VSTM2L: variants seen among roughly 807,000 people sequenced by gnomAD.
VSTM2L encodes the protein V-set and transmembrane domain containing 2 like, also known as V-set and transmembrane domain-containing protein 2-like protein.
In VSTM2L, 9 loss-of-function variants were observed where a neutral mutation model predicts 19.9. The ratio of observed to expected loss-of-function variants is 0.45; its 90% CI spans 0.27 to 0.79. The LOEUF (loss-of-function observed/expected upper bound fraction) is 0.79, where lower values mean the gene tolerates loss of function less well. VSTM2L is among the 30% of genes least tolerant of loss of function. The probability of loss-of-function intolerance (pLI) is 0.15; values close to 1 mark genes in which losing one functional copy is unlikely to be tolerated. For synonymous variants in VSTM2L, 127 were observed against 133.8 expected, an observed-to-expected ratio of 0.95 and a Z score of 0.35; for missense variants, 286 against 295.5, an observed-to-expected ratio of 0.97 and a Z score of 0.24.
At chr20:37,910,060 A>C (rs1179771764) in intron 1 of VSTM2L, among the ~76,000 whole-genome samples, 1 of 150,928 alleles carries the variant, frequency 6.6e-6, no homozygotes, top group Admixed American at 6.6e-5. Context: ...CCTCTTCAAA[A>C]CCCCCCAGGG....
At chr20:37,928,852 A>AT (rs2122963748) in intron 1 of VSTM2L, among the ~76,000 whole-genome samples, 2 of 152,334 alleles carry the variant, frequency 1.3e-5, no homozygotes, top group East Asian at 3.9e-4. Context: ...AAATAGGCAT[A>AT]TTAGCTGTGC....
At chr20:37,922,552 A>G (rs1454094110) in intron 1 of VSTM2L, among the ~76,000 whole-genome samples, 1 of 152,086 alleles carries the variant, frequency 6.6e-6, no homozygotes, top group Non-Finnish European at 1.5e-5. Flanking sequence ...GTTTTCCTGA[A>G]TAGAGCTGCC....
Position 37,944,177 on chromosome 20 carries a change from C to A in VSTM2L, c.539C>A (p.Ala180Glu). 1 of 1,542,812 alleles carries A rather than the reference C, an allele frequency of 6.5e-7. No homozygotes were observed. The change falls in exon 4 of 4, where the codon GCG (alanine) becomes GAG (glutamate). Residue 180 changes from alanine (A) to glutamate (E), a missense_variant. By Grantham distance (107) the Ala-to-Glu change is moderately radical. Transcript: ENST00000373461. Reference sequence around the variant, plus strand: ...CATCTGCCCGAAGCCCCTCCCGCCGCGCCCGCCCCGCCGCCCCCCAAGCCA... The same window carrying A: ...CATCTGCCCGAAGCCCCTCCCGCCGAGCCCGCCCCGCCGCCCCCCAAGCCA... ...VLHLPEAPPA[A>E]PAPPPPKPGK...
chr20:37,922,173 G>A (rs1415964096), intron 1 of VSTM2L, among the ~76,000 whole-genome samples: 1 of 152,064 alleles, frequency 6.6e-6, no homozygotes, highest in Non-Finnish European at 1.5e-5. Flanking sequence ...CAGAAACTGT[G>A]CCTGTTCAAT....
chr20:37,935,205 T>A (rs901377850), intron 3 of VSTM2L, among the ~76,000 whole-genome samples: 3 of 152,170 alleles, frequency 2.0e-5, no homozygotes, highest in East Asian at 3.9e-4. Flanking sequence ...GTGCTCAGCA[T>A]GAATGTGCAA....
At chr20:37,931,908 A>C (rs2072912725) in intron 2 of VSTM2L, 104 bp downstream of exon 2, 3 of 1,318,100 alleles carry the variant, frequency 2.3e-6, no homozygotes, top group African/African-American at 2.9e-5. Context: ...ATGGGCTCCA[A>C]CGCTGTTCTC....
intron 3 of VSTM2L, among the ~76,000 whole-genome samples, chr20:37,940,605 G>A (rs1240678765): frequency 6.6e-6 from 1 of 152,254 alleles, no homozygotes; most frequent in African/African-American, 2.4e-5. Context: ...ATGCCTCTGG[G>A]CAAGTCACTT....
chr20:37,940,223 A>T (rs780717403), intron 3 of VSTM2L, among the ~76,000 whole-genome samples: 9 of 152,346 alleles, frequency 5.9e-5, no homozygotes, highest in Non-Finnish European at 1.2e-4. Flanking sequence ...CAGAGAGAGC[A>T]CACAGGACCA....
At chr20:37,937,347 G>C (rs1229867865) in intron 3 of VSTM2L, among the ~76,000 whole-genome samples, 1 of 152,146 alleles carries the variant, frequency 6.6e-6, no homozygotes, top group Non-Finnish European at 1.5e-5. Context: ...CCCAGGGAAG[G>C]ACCCTGGCCT....
intron 2 of VSTM2L, among the ~76,000 whole-genome samples, chr20:37,932,692 C>T (rs1377904353): frequency 6.6e-6 from 1 of 152,184 alleles, no homozygotes; most frequent in African/African-American, 2.4e-5. Context: ...TTCTCCCCTA[C>T]TTGTGTTTCC....
intron 1 of VSTM2L, among the ~76,000 whole-genome samples, chr20:37,916,668 A>C (rs1011492513): frequency 9.2e-5 from 14 of 152,232 alleles, no homozygotes; most frequent in African/African-American, 3.4e-4. Context: ...AGAAGAGGAC[A>C]ATGATAGTGG....
chr20:37,936,188 G>A (rs1378468742), intron 3 of VSTM2L, among the ~76,000 whole-genome samples: 1 of 151,864 alleles, frequency 6.6e-6, no homozygotes, highest in African/African-American at 2.4e-5. Context: ...GAGGCACCGC[G>A]CCTGGTTGGT....
intron 3 of VSTM2L, among the ~76,000 whole-genome samples, chr20:37,938,665 C>T (rs4811359): frequency 0.58 from 88,851 of 152,174 alleles, 26,333 homozygotes; most frequent in African/African-American, 0.7. Flanking sequence ...TTGTCTCTTT[C>T]AGCGTAACTA....
chr20:37,944,760 G>C lies in VSTM2L; in HGVS notation c.*507G>C, dbSNP rs1253393657. On this transcript the variant is annotated 3_prime_UTR_variant, in exon 4 of 4. Coordinates refer to ENST00000373461, the MANE Select transcript of VSTM2L (RefSeq NM_080607.3). ...CCCTGGTGAAGACCCAGGGAACCCA[G>C]GAGGGCCCTTCTGGGGCAGTGGCTC... The C allele has an allele frequency of 1.0e-6, 1 of 986,442 alleles. No individual in the cohort carries two copies. The highest frequency in any genetic ancestry group is 1.7e-5 in the African/African-American group (1 of 57,242). The allele number at this position is 986,442 out of a possible 1,614,324, so 61.1% of individuals were successfully genotyped here. A position where few individuals can be genotyped will look rare whatever the true frequency, so the allele number is the denominator to read the frequency against.
chr20:37,923,341 C>T (rs541786796), intron 1 of VSTM2L, among the ~76,000 whole-genome samples: 3 of 152,252 alleles, frequency 2.0e-5, no homozygotes, highest in Admixed American at 6.5e-5. Flanking sequence ...CCAGTGGCTC[C>T]GGCCAGAGCC....
intron 3 of VSTM2L, among the ~76,000 whole-genome samples, chr20:37,935,365 C>T (rs1280321439): frequency 6.6e-6 from 1 of 152,182 alleles, no homozygotes; most frequent in African/African-American, 2.4e-5. Flanking sequence ...ACAGGTACTC[C>T]CTGGATTCCT....
At chr20:37,906,433 T>C (rs574161550) in intron 1 of VSTM2L, among the ~76,000 whole-genome samples, 1 of 152,300 alleles carries the variant, frequency 6.6e-6, no homozygotes, top group South Asian at 2.1e-4. Flanking sequence ...TATCAGAAAA[T>C]GTTAACTCAT....
At chr20:37,918,229 A>G (rs6021856) in intron 1 of VSTM2L, among the ~76,000 whole-genome samples, 40,927 of 152,030 alleles carry the variant, frequency 0.27, 7,175 homozygotes, top group African/African-American at 0.5. Flanking sequence ...CAGCAGGAGC[A>G]AGGCTTGGAG....
intron 1 of VSTM2L, among the ~76,000 whole-genome samples, chr20:37,928,060 C>T (rs1377220198): frequency 1.3e-5 from 2 of 152,174 alleles, no homozygotes; most frequent in Non-Finnish European, 2.9e-5. Context: ...GTGGCTCAGG[C>T]AATGGCACCT....
Sources: gnomAD v4.1 joint callset for allele counts (sites outside exome capture counted in the v4.1 genomes callset) on GRCh38, gnomAD v4.1.1 for gene constraint, MANE v1.5 for transcripts, NCBI Gene and HGNC (gene_info 2026-07-23, HGNC 2026-07-21) for gene names.